Variants in PIGU observed in about 807,000 individuals in gnomAD.
PIGU encodes the protein GPI-anchor transamidase component PIGU.
In PIGU, 24 loss-of-function variants were observed where a neutral mutation model predicts 49.9. The ratio of observed to expected loss-of-function variants is 0.48; its 90% confidence interval spans 0.35 to 0.68. PIGU has a LOEUF of 0.68. Among genes scored for constraint, PIGU ranks in the 30% least tolerant of loss-of-function variants. The pLI, the probability that PIGU is intolerant of heterozygous loss-of-function variation, is 0.01. For synonymous variants in PIGU, 220 were observed against 205.7 expected (o/e 1.07, Z -0.59); for missense variants, 490 against 532.6 (o/e 0.92, Z 0.79).
At chr20:34,632,297 T>C (rs896357858) in intron 6 of PIGU, among the ~76,000 whole-genome samples, 2 of 152,112 alleles carry the variant, frequency 1.3e-5, no homozygotes, top group Non-Finnish European at 2.9e-5. Context: ...CCTACCCAAC[T>C]ATTAATTTGG....
chr20:34,562,362 C>G, intron 11 of PIGU: 2 of 1,221,162 alleles, frequency 1.6e-6, no homozygotes, highest in South Asian at 1.4e-5. Flanking sequence ...TGGCTATGGT[C>G]TTGGGGCAAG....
At chr20:34,656,451 C>T (rs8114149) in intron 2 of PIGU, among the ~76,000 whole-genome samples, 21,819 of 95,858 alleles carry the variant, frequency 0.23, 3,559 homozygotes, top group Admixed American at 0.35. Context: ...CCCAGCTAAT[C>T]TTTTGTATTT....
chr20:34,594,474 T>C (rs949109713), intron 7 of PIGU, among the ~76,000 whole-genome samples: 1 of 151,742 alleles, frequency 6.6e-6, no homozygotes, highest in African/African-American at 2.4e-5. Context: ...TAATGTTAAG[T>C]GAAAAAAAGG....
At chr20:34,633,333 G>C (rs1985851961) in intron 6 of PIGU, among the ~76,000 whole-genome samples, 1 of 152,002 alleles carries the variant, frequency 6.6e-6, no homozygotes, top group South Asian at 2.1e-4. Context: ...GCATGATGGA[G>C]GGTGCTTGTA....
At chr20:34,617,415 G>A (rs1335763544) in intron 6 of PIGU, among the ~76,000 whole-genome samples, 2 of 152,248 alleles carry the variant, frequency 1.3e-5, no homozygotes, top group African/African-American at 4.8e-5. Context: ...ACCCAGATGT[G>A]AGACATGGAG....
At chr20:34,641,196 C>T (rs1183286411) in intron 4 of PIGU, among the ~76,000 whole-genome samples, 1 of 152,188 alleles carries the variant, frequency 6.6e-6, no homozygotes, top group Non-Finnish European at 1.5e-5. Context: ...GGATTACAGG[C>T]GTGAGCCACA....
intron 6 of PIGU, among the ~76,000 whole-genome samples, chr20:34,622,078 G>C (rs1429562748): frequency 1.3e-5 from 2 of 152,138 alleles, no homozygotes; most frequent in Non-Finnish European, 2.9e-5. Context: ...GGAGTGACAG[G>C]AAAGAGAACA....
At chr20:34,589,073 T>C (rs78442133) in intron 7 of PIGU, among the ~76,000 whole-genome samples, 2,067 of 151,556 alleles carry the variant, frequency 0.014, 52 homozygotes, top group African/African-American at 0.048. Flanking sequence ...TACTTATGTG[T>C]TCTGAGATTA....
In PIGU at chr20:34,560,554, C is replaced by T; in HGVS notation, c.*312G>A. 1 of 332,366 alleles carries T rather than the reference C, an allele frequency of 3.0e-6. No homozygotes were observed. Among genetic ancestry groups the T allele is most frequent in the Non-Finnish European group, 5.5e-6 (1 of 182,704 alleles). The allele number at this position is 332,366 out of a possible 1,614,324, so 20.6% of individuals were successfully genotyped here. A position where few individuals can be genotyped will look rare whatever the true frequency, so the allele number is the denominator to read the frequency against. ...TGTGGTCTCAGGGTAGACTTCATAA[C>T]AAAAAACATTTATTAAGTAGCCACA... On this transcript the variant is annotated 3_prime_UTR_variant, in exon 12 of 12. Coordinates refer to ENST00000217446, the MANE Select transcript of PIGU (RefSeq NM_080476.5).
intron 4 of PIGU, among the ~76,000 whole-genome samples, chr20:34,642,627 A>T (rs539599815): frequency 4.1e-5 from 6 of 147,126 alleles, no homozygotes; most frequent in African/African-American, 1.3e-4. Context: ...AGCTATTCAT[A>T]TCTATATCAC....
intron 7 of PIGU, among the ~76,000 whole-genome samples, chr20:34,612,435 T>TA (rs1317642426): frequency 6.6e-6 from 1 of 152,042 alleles, no homozygotes; most frequent in Non-Finnish European, 1.5e-5. Flanking sequence ...GATGGGTTGA[T>TA]ACGTGCAGCA....
At chr20:34,607,774 C>T (rs1316281869) in intron 7 of PIGU, among the ~76,000 whole-genome samples, 1 of 152,096 alleles carries the variant, frequency 6.6e-6, no homozygotes. Flanking sequence ...TGTGGGACTG[C>T]ACAGAGTTGT....
intron 6 of PIGU, among the ~76,000 whole-genome samples, chr20:34,624,775 A>G (rs558948540): frequency 3.3e-5 from 5 of 152,116 alleles, no homozygotes; most frequent in African/African-American, 1.2e-4. Context: ...CTGCCCAAAG[A>G]CCTGTGTTCC....
At chr20:34,602,629 G>A (rs1984469828) in intron 7 of PIGU, among the ~76,000 whole-genome samples, 1 of 152,122 alleles carries the variant, frequency 6.6e-6, no homozygotes, top group Admixed American at 6.5e-5. Context: ...ATGTATGTAT[G>A]TATGTAAGTA....
At chr20:34,673,809 C>T (rs1246589673) in intron 1 of PIGU, among the ~76,000 whole-genome samples, 1 of 152,198 alleles carries the variant, frequency 6.6e-6, no homozygotes, top group Non-Finnish European at 1.5e-5. Context: ...AATCCCAGCA[C>T]TTTGGGAGGC....
intron 11 of PIGU, among the ~76,000 whole-genome samples, chr20:34,565,935 C>T (rs1386667660): frequency 2.0e-5 from 3 of 152,048 alleles, no homozygotes; most frequent in Non-Finnish European, 4.4e-5. Flanking sequence ...CTCAGACACG[C>T]TCACATTGCA....
chr20:34,666,211 T>C (rs1382606969), intron 1 of PIGU, among the ~76,000 whole-genome samples: 4 of 151,908 alleles, frequency 2.6e-5, no homozygotes. Context: ...AGTAATATCA[T>C]GCTGAAAACA....
chr20:34,624,262 A>G (rs1424194321), intron 6 of PIGU, among the ~76,000 whole-genome samples: 1 of 152,080 alleles, frequency 6.6e-6, no homozygotes, highest in African/African-American at 2.4e-5. Flanking sequence ...CCTCCATACC[A>G]TTCATTCTTT....
At chr20:34,653,229 A>C (rs1321933859) in intron 2 of PIGU, among the ~76,000 whole-genome samples, 1 of 152,248 alleles carries the variant, frequency 6.6e-6, no homozygotes, top group South Asian at 2.1e-4. Context: ...TTGGCCTCCC[A>C]AAGTGCTGGG....
Sources: gnomAD v4.1 joint callset for allele counts (sites outside exome capture counted in the v4.1 genomes callset) on GRCh38, gnomAD v4.1.1 for gene constraint, MANE v1.5 for transcripts, NCBI Gene and HGNC (gene_info 2026-07-23, HGNC 2026-07-21) for gene names.